The following REDIC1 variants were observed in gnomAD, a reference collection of about 807,000 sequenced individuals.
REDIC1 encodes the protein HEI10 Interacting Protein 1.
the REDIC1 span, among the ~76,000 whole-genome samples, chr12:39,687,732 A>T: frequency 2.0e-4 from 30 of 152,234 alleles, no homozygotes; most frequent in African/African-American, 6.3e-4. Context: ...TCAATGTGCT[A>T]CATAATTTTA....
chr12:39,761,572 T>A, the REDIC1 span, among the ~76,000 whole-genome samples: 1 of 151,834 alleles, frequency 6.6e-6, no homozygotes. Context: ...TTAATTGGGA[T>A]GTTTTTACAA....
the REDIC1 span, among the ~76,000 whole-genome samples, chr12:39,656,921 A>G: frequency 6.6e-6 from 1 of 152,234 alleles, no homozygotes; most frequent in Admixed American, 6.5e-5. Flanking sequence ...AAGTTATTAC[A>G]ATAGAGTCAA....
At chr12:39,796,440 A>G in the REDIC1 span, among the ~76,000 whole-genome samples, 1 of 151,828 alleles carries the variant, frequency 6.6e-6, no homozygotes, top group East Asian at 1.9e-4. Flanking sequence ...AAAAAAAAAA[A>G]AAACCTAAAC....
chr12:39,894,956 C>T, the REDIC1 span, among the ~76,000 whole-genome samples: 5 of 152,158 alleles, frequency 3.3e-5, no homozygotes, highest in East Asian at 1.9e-4. Context: ...TAGGAGAACC[C>T]TCATCTGTGC....
the REDIC1 span, among the ~76,000 whole-genome samples, chr12:39,788,866 A>C: frequency 1.3e-5 from 2 of 152,166 alleles, no homozygotes; most frequent in African/African-American, 4.8e-5. Context: ...ACTCATCTAC[A>C]TGTAGCCATC....
At chr12:39,669,949 C>A in the REDIC1 span, among the ~76,000 whole-genome samples, 1 of 152,154 alleles carries the variant, frequency 6.6e-6, no homozygotes, top group African/African-American at 2.4e-5. Context: ...TGCCGTCTGT[C>A]ACCCCTTTCT....
the REDIC1 span, among the ~76,000 whole-genome samples, chr12:39,679,189 T>C: frequency 6.6e-6 from 1 of 152,056 alleles, no homozygotes; most frequent in African/African-American, 2.4e-5. Flanking sequence ...ATAAAGGGCA[T>C]CCAAATAGAT....
the REDIC1 span, chr12:39,829,781 C>T: frequency 3.4e-5 from 10 of 291,504 alleles, no homozygotes; most frequent in Non-Finnish European, 5.3e-5. Context: ...TTTGGAAATA[C>T]AGTGCAATTA....
At chr12:39,849,291 T>C in the REDIC1 span, among the ~76,000 whole-genome samples, 1 of 152,152 alleles carries the variant, frequency 6.6e-6, no homozygotes, top group South Asian at 2.1e-4. Flanking sequence ...CAATGTGCAT[T>C]GGTGAATGCA....
At chr12:39,895,535 TATATATATATATATATACAC>T in the REDIC1 span, among the ~76,000 whole-genome samples, 4 of 128,076 alleles carry the variant, frequency 3.1e-5, 1 homozygote, top group Admixed American at 8.5e-5. Context: ...TATATATATA[TATATATATATATATATACAC>T]ACACACACAC....
At chr12:39,677,043 C>T in the REDIC1 span, among the ~76,000 whole-genome samples, 1 of 149,786 alleles carries the variant, frequency 6.7e-6, no homozygotes. Flanking sequence ...AAAAAAAACA[C>T]CAAGATATCC....
chr12:39,655,347 GC>G, the REDIC1 span, among the ~76,000 whole-genome samples: 1 of 151,986 alleles, frequency 6.6e-6, no homozygotes, highest in African/African-American at 2.4e-5. Flanking sequence ...TTGTAGTACT[GC>G]TTAGATGTCA....
the REDIC1 span, among the ~76,000 whole-genome samples, chr12:39,788,185 T>A: frequency 2.6e-5 from 4 of 152,160 alleles, no homozygotes; most frequent in Admixed American, 2.0e-4. Flanking sequence ...ACCCTATAGA[T>A]GCTGTGTCAT....
At chr12:39,786,598 G>A in the REDIC1 span, among the ~76,000 whole-genome samples, 2 of 152,280 alleles carry the variant, frequency 1.3e-5, no homozygotes, top group African/African-American at 4.8e-5. Context: ...AGGAGAGCAT[G>A]ATATTCAGAC....
At chr12:39,854,887 G>A in the REDIC1 span, among the ~76,000 whole-genome samples, 2 of 152,154 alleles carry the variant, frequency 1.3e-5, no homozygotes, top group South Asian at 2.1e-4. Flanking sequence ...TCATTGGTCT[G>A]AGAAACTCCA....
At chr12:39,705,805 A>G in the REDIC1 span, among the ~76,000 whole-genome samples, 2 of 152,110 alleles carry the variant, frequency 1.3e-5, no homozygotes, top group East Asian at 3.8e-4. Flanking sequence ...TAGAAGGAAC[A>G]TAACTCAATA....
the REDIC1 span, among the ~76,000 whole-genome samples, chr12:39,712,866 CGTATATACA>C: frequency 7.1e-5 from 1 of 13,998 alleles, no homozygotes; most frequent in Non-Finnish European, 4.8e-4. Context: ...TGTATATACA[CGTATATACA>C]CGTATATACA....
At chr12:39,783,986 G>T in the REDIC1 span, among the ~76,000 whole-genome samples, 1 of 152,158 alleles carries the variant, frequency 6.6e-6, no homozygotes, top group Non-Finnish European at 1.5e-5. Context: ...TTGCTTCAAA[G>T]AGAATAAAAT....
the REDIC1 span, chr12:39,864,778 T>A: frequency 4.0e-5 from 65 of 1,613,972 alleles, 1 homozygote; most frequent in East Asian, 7.8e-4. Flanking sequence ...CTTGTGCAAG[T>A]GGCGTTCTGA....
Sources: gnomAD v4.1 joint callset for allele counts (sites outside exome capture counted in the v4.1 genomes callset) on GRCh38, gnomAD v4.1.1 for gene constraint, MANE v1.5 for transcripts, NCBI Gene and HGNC (gene_info 2026-07-23, HGNC 2026-07-21) for gene names.